Variants in TJP1 observed in about 807,000 individuals in gnomAD.
The protein encoded by TJP1 is tight junction protein ZO-1.
Under a neutral mutation model 194.2 loss-of-function variants are expected in TJP1, and 43 were observed. The ratio of observed to expected loss-of-function variants is 0.22; its 90% CI spans 0.17 to 0.29. The LOEUF (loss-of-function observed/expected upper bound fraction) is 0.29, where lower values mean the gene tolerates loss of function less well. Ranked by LOEUF, TJP1 falls within the 10% of genes least tolerant of loss-of-function variation. The pLI is 1.00. For missense variants in TJP1, 1,971 were observed against 2,185.7 expected (o/e 0.90, Z 1.96); for synonymous variants, 801 against 779.0 (o/e 1.03, Z -0.47).
chr15:29,923,468 C>T (rs2054429026), intron 2 of TJP1, among the ~76,000 whole-genome samples: 2 of 152,136 alleles, frequency 1.3e-5, no homozygotes, highest in Admixed American at 1.3e-4. Flanking sequence ...ATAAGCTCTC[C>T]TATCAGCAAT....
intron 8 of TJP1, among the ~76,000 whole-genome samples, chr15:29,748,564 C>CTTTTTT (rs61364565): frequency 9.5e-5 from 7 of 73,392 alleles, no homozygotes; most frequent in African/African-American, 3.2e-4. Context: ...CTTCCTAATT[C>CTTTTTT]TTTTTTTTTT....
chr15:29,799,373 AATGAAAC>A (rs2048626200), intron 2 of TJP1, among the ~76,000 whole-genome samples: 1 of 152,140 alleles, frequency 6.6e-6, no homozygotes, highest in Non-Finnish European at 1.5e-5. Flanking sequence ...ACCATTTAAT[AATGAAAC>A]ATTAAAAAGT....
At chr15:29,774,609 G>C (rs1329314224) in intron 2 of TJP1, among the ~76,000 whole-genome samples, 2 of 151,926 alleles carry the variant, frequency 1.3e-5, no homozygotes, top group Non-Finnish European at 2.9e-5. Flanking sequence ...AGGGATTGGA[G>C]GGGGTGATAA....
At chr15:29,793,366 T>A (rs1345633206) in intron 2 of TJP1, among the ~76,000 whole-genome samples, 2 of 152,232 alleles carry the variant, frequency 1.3e-5, no homozygotes, top group Non-Finnish European at 2.9e-5. Context: ...CATATGGTTA[T>A]GTCCTTCATT....
intron 2 of TJP1, among the ~76,000 whole-genome samples, chr15:29,920,546 T>C (rs1369574120): frequency 1.3e-5 from 2 of 152,236 alleles, no homozygotes; most frequent in African/African-American, 4.8e-5. Flanking sequence ...CGCCAGAATA[T>C]GCCGCCTCAG....
At chr15:29,814,775 T>C (rs1260173598) in intron 1 of TJP1, among the ~76,000 whole-genome samples, 1 of 152,190 alleles carries the variant, frequency 6.6e-6, no homozygotes, top group African/African-American at 2.4e-5. Flanking sequence ...AAACTAGAAT[T>C]GAGATCATTC....
At chr15:29,946,959 TCTAA>T (rs1213877080) in intron 2 of TJP1, among the ~76,000 whole-genome samples, 1 of 152,228 alleles carries the variant, frequency 6.6e-6, no homozygotes, top group African/African-American at 2.4e-5. Context: ...TTTTCATAAG[TCTAA>T]CTAAAAATGC....
At chr15:29,839,296 C>A (rs965876923) in intron 2 of TJP1, among the ~76,000 whole-genome samples, 2 of 152,052 alleles carry the variant, frequency 1.3e-5, no homozygotes, top group Non-Finnish European at 2.9e-5. Context: ...CCGCACCCGG[C>A]CTAAATTCAC....
intron 2 of TJP1, among the ~76,000 whole-genome samples, chr15:29,899,997 G>A (rs1426104599): frequency 1.3e-5 from 2 of 152,082 alleles, no homozygotes; most frequent in Non-Finnish European, 2.9e-5. Flanking sequence ...TAAAATGAAT[G>A]AGCAAAATGT....
chr15:29,950,819 C>T (rs561956499), intron 2 of TJP1, among the ~76,000 whole-genome samples: 20 of 152,300 alleles, frequency 1.3e-4, no homozygotes, highest in Admixed American at 9.2e-4. Flanking sequence ...CAAAACAGGT[C>T]CCTGAGGCCT....
At chr15:29,804,526 C>T (rs917136069) in intron 1 of TJP1, among the ~76,000 whole-genome samples, 17 of 152,026 alleles carry the variant, frequency 1.1e-4, no homozygotes, top group Non-Finnish European at 2.5e-4. Flanking sequence ...TGTGGAGGTT[C>T]CTTTGGAAGA....
chr15:29,897,722 GATGTGAGAC>G (rs2053520880), intron 2 of TJP1, among the ~76,000 whole-genome samples: 1 of 152,214 alleles, frequency 6.6e-6, no homozygotes, highest in African/African-American at 2.4e-5. Context: ...GTGTGACCTG[GATGTGAGAC>G]ATGGAGTCAA....
chr15:29,748,383 G>A (rs1226835474), intron 8 of TJP1, among the ~76,000 whole-genome samples: 1 of 152,030 alleles, frequency 6.6e-6, no homozygotes, highest in East Asian at 1.9e-4. Context: ...TAGAGTTACA[G>A]CACAAAATAA....
chr15:29,815,878 G>A (rs1054793214), intron 1 of TJP1, among the ~76,000 whole-genome samples: 17 of 152,276 alleles, frequency 1.1e-4, no homozygotes, highest in African/African-American at 3.9e-4. Flanking sequence ...CTTGTTTCCA[G>A]GATTGGAGGG....
At chr15:29,699,612 A>G (rs1053162181), downstream of TJP1, 3 of 152,238 alleles carry the variant, frequency 2.0e-5, no homozygotes, top group Non-Finnish European at 4.4e-5. Context: ...GATGAAAAAA[A>G]TAAAATCCAC....
At chr15:29,840,595 C>T (rs1056159121) in intron 2 of TJP1, among the ~76,000 whole-genome samples, 2 of 152,126 alleles carry the variant, frequency 1.3e-5, no homozygotes, top group Non-Finnish European at 2.9e-5. Context: ...ACCCCATCCC[C>T]GCCCATCCTG....
chr15:29,709,432 C>G (rs2042106362), intron 24 of TJP1, among the ~76,000 whole-genome samples: 1 of 152,204 alleles, frequency 6.6e-6, no homozygotes, highest in African/African-American at 2.4e-5. Flanking sequence ...ACCGAAAAGT[C>G]TGATGATGCC....
At chr15:29,884,072 C>T (rs926031726) in intron 2 of TJP1, among the ~76,000 whole-genome samples, 5 of 152,222 alleles carry the variant, frequency 3.3e-5, no homozygotes, top group African/African-American at 1.2e-4. Context: ...AATGATTATT[C>T]TCTCCTTTAA....
intron 1 of TJP1, among the ~76,000 whole-genome samples, chr15:29,962,399 A>G (rs1331683851): frequency 6.6e-6 from 1 of 152,242 alleles, no homozygotes; most frequent in Non-Finnish European, 1.5e-5. Flanking sequence ...AAAGAACTCA[A>G]TAATAACACA....
Sources: allele counts gnomAD v4.1 joint callset (sites outside exome capture counted in the v4.1 genomes callset), GRCh38; gene constraint gnomAD v4.1.1; transcripts MANE v1.5; gene names NCBI Gene and HGNC (gene_info 2026-07-23, HGNC 2026-07-21).